Variants in SPTBN1 observed in about 807,000 individuals in gnomAD.
SPTBN1 encodes the protein spectrin beta chain, non-erythrocytic 1.
Under a neutral mutation model 266.4 loss-of-function variants are expected in SPTBN1, and 32 were observed. The observed-to-expected ratio is 0.12, with a 90% CI of 0.09 to 0.16. The LOEUF (loss-of-function observed/expected upper bound fraction) is 0.16. Among genes scored for constraint, SPTBN1 ranks in the 10% least tolerant of loss-of-function variants. The pLI, the probability that SPTBN1 is intolerant of heterozygous loss-of-function variation, is 1.00. For missense variants in SPTBN1, 2,296 were observed against 3,067.1 expected (o/e 0.75, Z 5.94); for synonymous variants, 1,336 against 1,162.2 (o/e 1.15, Z -3.04).
chr2:54,597,759 C>G (rs763293370), intron 2 of SPTBN1, among the ~76,000 whole-genome samples: 3 of 152,096 alleles, frequency 2.0e-5, no homozygotes, highest in African/African-American at 7.2e-5. Context: ...CCTGAGAACC[C>G]AGTACTCTCA....
At chr2:54,611,960 TATC>T (rs773016995) in intron 3 of SPTBN1, among the ~76,000 whole-genome samples, 198 bp from the exon 4 acceptor site, 2 of 152,242 alleles carry the variant, frequency 1.3e-5, no homozygotes, top group African/African-American at 2.4e-5. Context: ...AGGAATCAGT[TATC>T]ATCCCCTTAA....
chr2:54,623,590 C>T lies in SPTBN1; in HGVS notation c.1176C>T (p.Ile392=). The change falls in exon 10 of 36, where the codon ATC becomes ATT. Residue 392 remains isoleucine, a synonymous_variant. Coordinates refer to ENST00000356805, the MANE Select transcript of SPTBN1 (RefSeq NM_003128.3). Reference sequence around the variant, plus strand: ...GGGAGGGGAAGCTCATCTCTGACATCAACAAGGTAAAGTGGATCTGGACTC... The same window carrying T: ...GGGAGGGGAAGCTCATCTCTGACATTAACAAGGTAAAGTGGATCTGGACTC... ...MPREGKLISD[I]NKAWERLEKA... is the part of the protein sequence containing the mutation. 2 of 1,613,618 alleles carry T rather than the reference C, an allele frequency of 1.2e-6. No homozygotes were observed. The highest frequency in any genetic ancestry group is 1.7e-6 in the Non-Finnish European group (2 of 1,179,676).
intron 2 of SPTBN1, among the ~76,000 whole-genome samples, chr2:54,562,868 T>C (rs1673410106): frequency 6.6e-6 from 1 of 152,084 alleles, no homozygotes. Context: ...TAGAAATGCT[T>C]ACCATTTTTA....
At chr2:54,550,257 T>A (rs965320673) in intron 2 of SPTBN1, among the ~76,000 whole-genome samples, 1 of 152,196 alleles carries the variant, frequency 6.6e-6, no homozygotes, top group African/African-American at 2.4e-5. Context: ...GACTGGGCTG[T>A]CCATGAATTA....
chr2:54,475,866 T>G (rs1420083018), intron 1 of SPTBN1, among the ~76,000 whole-genome samples: 1 of 152,216 alleles, frequency 6.6e-6, no homozygotes, highest in Non-Finnish European at 1.5e-5. Flanking sequence ...ACAAAACTTT[T>G]GATGCTTCAA....
chr2:54,512,552 A>G (rs1322588044), intron 1 of SPTBN1, among the ~76,000 whole-genome samples: 1 of 152,262 alleles, frequency 6.6e-6, no homozygotes, highest in African/African-American at 2.4e-5. Context: ...CATTTAAAAT[A>G]AATATGTTAA....
intron 1 of SPTBN1, among the ~76,000 whole-genome samples, chr2:54,481,791 G>A (rs13390258): frequency 6.6e-6 from 1 of 152,014 alleles, no homozygotes; most frequent in South Asian, 2.1e-4. Context: ...AATTAAAGCT[G>A]TTTGTTCGGA....
chr2:54,474,566 TGTAA>T (rs1483583937), intron 1 of SPTBN1, among the ~76,000 whole-genome samples: 1 of 152,196 alleles, frequency 6.6e-6, no homozygotes, highest in East Asian at 1.9e-4. Flanking sequence ...CCTGGAAATA[TGTAA>T]GTATTATTTA....
At chr2:54,472,263 A>G (rs564807502) in intron 1 of SPTBN1, among the ~76,000 whole-genome samples, 49 of 152,152 alleles carry the variant, frequency 3.2e-4, no homozygotes, top group Non-Finnish European at 6.0e-4. Context: ...TCTTGACCTC[A>G]TAATCCGCCC....
At chr2:54,482,958 C>A (rs1294156915) in intron 1 of SPTBN1, among the ~76,000 whole-genome samples, 2 of 152,192 alleles carry the variant, frequency 1.3e-5, no homozygotes, top group Non-Finnish European at 2.9e-5. Flanking sequence ...TGTGTCACAT[C>A]TTACAGAAAG....
chr2:54,465,666 A>ATATATATATATATATATATATC lies in SPTBN1; in HGVS notation c.-48+9151_-48+9152insATATATATATATATATATCTAT, dbSNP rs1408352073. ...TATATATATATATATATATATATAT[A>ATATATATATATATATATATATC]TATCTCACACATGGGAGAGAGAGGT... On this transcript the variant is annotated intron_variant, in intron 1 of 35. Coordinates refer to ENST00000356805, the MANE Select transcript of SPTBN1 (RefSeq NM_003128.3). 4.4e-5 allele frequency among the ~76,000 whole-genome samples: 6 copies of ATATATATATATATATATATATC among 137,820 alleles called. No individual in the cohort carries two copies. In the East Asian group the frequency reaches 1.1e-3, roughly 25 times the overall value. The allele number at this position is 137,820 out of a possible 152,430, so 90.4% of individuals were successfully genotyped here. A position where few individuals can be genotyped will look rare whatever the true frequency, so the allele number is the denominator to read the frequency against.
At position 54,669,653 on chromosome 2, in the gene SPTBN1, G is replaced by C. The variant is rs1264633711; in HGVS notation, c.*1084G>C. The C allele has an allele frequency of 1.3e-5, 2 of 152,636 alleles. No individual in the cohort carries two copies. Among genetic ancestry groups the C allele is most frequent in the African/African-American group, 4.8e-5 (2 of 41,450 alleles). 9.5% of individuals were successfully genotyped at this position (152,636 alleles called of 1,614,324 possible). A position where few individuals can be genotyped will look rare whatever the true frequency, so the allele number is the denominator to read the frequency against. ...GCCCTATCTGTTAAATATATGCTAT[G>C]TCATTAAATGCTTTTAAATCTAGCA... On this transcript the variant is annotated 3_prime_UTR_variant, in exon 36 of 36. Transcript: ENST00000356805.
chr2:54,661,887 ATTT>A, intron 32 of SPTBN1: 1 of 985,366 alleles, frequency 1.0e-6, no homozygotes, highest in Non-Finnish European at 1.2e-6. Flanking sequence ...TATCATGCCT[ATTT>A]TTATCTAGAT....
chr2:54,560,173 T>G, intron 2 of SPTBN1, among the ~76,000 whole-genome samples: 1 of 121,522 alleles, frequency 8.2e-6, no homozygotes, highest in African/African-American at 3.8e-5. Flanking sequence ...AAGTAGTAAA[T>G]AGAGGAGTTG....
In SPTBN1 at chr2:54,668,608, C is replaced by T; in HGVS notation, c.*39C>T. On this transcript the variant is annotated 3_prime_UTR_variant, in exon 36 of 36. Transcript: ENST00000356805. ...ACCTCCTGCCCTTCTCTTACCTTTTCAGTGAAATTCCAGCATGCAAGCTCA... is the reference window on the plus strand; with the variant it reads ...ACCTCCTGCCCTTCTCTTACCTTTTTAGTGAAATTCCAGCATGCAAGCTCA... The T allele has an allele frequency of 1.3e-6, 2 of 1,552,540 alleles. No homozygotes were observed. The highest frequency in any genetic ancestry group is 1.7e-6 in the Non-Finnish European group (2 of 1,143,584).
At chr2:54,667,577 G>A (rs759564413) in intron 34 of SPTBN1, 27 bp from the exon 35 acceptor site, 9 of 1,610,598 alleles carry the variant, frequency 5.6e-6, no homozygotes, top group Non-Finnish European at 7.6e-6. Flanking sequence ...ATTAAGTGGT[G>A]ACTAACTTTC....
At chr2:54,606,347 G>C (rs1676838654) in intron 3 of SPTBN1, among the ~76,000 whole-genome samples, 1 of 152,168 alleles carries the variant, frequency 6.6e-6, no homozygotes, top group South Asian at 2.1e-4. Flanking sequence ...AATGGCTGCT[G>C]CAGTTAGAAG....
chr2:54,657,002 A>G (rs972296790), intron 29 of SPTBN1, among the ~76,000 whole-genome samples: 2 of 152,248 alleles, frequency 1.3e-5, no homozygotes, highest in South Asian at 2.1e-4. Flanking sequence ...TGCTGAAAGC[A>G]GATAGCTAGC....
At chr2:54,474,468 C>T (rs1032797016) in intron 1 of SPTBN1, among the ~76,000 whole-genome samples, 11 of 152,040 alleles carry the variant, frequency 7.2e-5, no homozygotes, top group African/African-American at 2.7e-4. Context: ...TCTCAGTTTC[C>T]TCATCAGTAA....
Sources: gnomAD v4.1 joint callset for allele counts (sites outside exome capture counted in the v4.1 genomes callset) on GRCh38, gnomAD v4.1.1 for gene constraint, MANE v1.5 for transcripts, NCBI Gene and HGNC (gene_info 2026-07-23, HGNC 2026-07-21) for gene names.